The following SDK1 variants were observed in gnomAD, a reference collection of about 807,000 sequenced individuals.
The protein encoded by SDK1 is protein sidekick-1.
A neutral mutation model predicts 245.5 loss-of-function variants in SDK1; 157 were observed. That is an observed-to-expected ratio of 0.64 (90% CI 0.56 to 0.73). SDK1 has a LOEUF of 0.73. Ranked by LOEUF, SDK1 falls within the 30% of genes least tolerant of loss-of-function variation. The pLI, the probability that SDK1 is intolerant of heterozygous loss-of-function variation, is 0.00. For missense variants in SDK1, 3,583 were observed against 3,002.3 expected, an observed-to-expected ratio of 1.19 and a Z score of -4.52; for synonymous variants, 1,647 against 1,278.5, an observed-to-expected ratio of 1.29 and a Z score of -6.15.
intron 13 of SDK1, among the ~76,000 whole-genome samples, chr7:3,979,078 G>C (rs1783195173): frequency 6.6e-6 from 1 of 152,186 alleles, no homozygotes; most frequent in African/African-American, 2.4e-5. Flanking sequence ...CAGCAGTGGG[G>C]CCAATAGGAG....
intron 1 of SDK1, among the ~76,000 whole-genome samples, chr7:3,415,344 AG>A (rs1779331303): frequency 1.3e-5 from 2 of 152,316 alleles, no homozygotes; most frequent in African/African-American, 2.4e-5. Flanking sequence ...ATATAGTGGA[AG>A]AGTGTATTGC....
chr7:3,347,953 T>C (rs907667291), intron 1 of SDK1, among the ~76,000 whole-genome samples: 1 of 152,114 alleles, frequency 6.6e-6, no homozygotes, highest in African/African-American at 2.4e-5. Context: ...TCACTTTAAG[T>C]GTAAGTATTT....
At chr7:3,590,276 C>T (rs1184021521) in intron 1 of SDK1, among the ~76,000 whole-genome samples, 1 of 132,636 alleles carries the variant, frequency 7.5e-6, no homozygotes, top group Non-Finnish European at 1.6e-5. Context: ...GGGTATATTT[C>T]AACTTTCACC....
intron 4 of SDK1, among the ~76,000 whole-genome samples, chr7:3,791,487 G>T (rs563962761): frequency 3.9e-5 from 6 of 152,294 alleles, no homozygotes; most frequent in Admixed American, 3.3e-4. Context: ...CATCAGTCAT[G>T]AGCCCAAAAT....
chr7:3,396,901 T>G (rs1309169549), intron 1 of SDK1, among the ~76,000 whole-genome samples: 1 of 151,684 alleles, frequency 6.6e-6, no homozygotes, highest in African/African-American at 2.4e-5. Context: ...CATTATATGT[T>G]TTCTATAAAT....
At chr7:3,312,516 G>C (rs969919776) in intron 1 of SDK1, among the ~76,000 whole-genome samples, 8 of 151,962 alleles carry the variant, frequency 5.3e-5, no homozygotes, top group African/African-American at 1.9e-4. Flanking sequence ...ATAACATGGA[G>C]TTGGAAAAGA....
intron 5 of SDK1, among the ~76,000 whole-genome samples, chr7:3,844,760 G>A (rs1206598371): frequency 6.6e-6 from 1 of 152,186 alleles, no homozygotes; most frequent in Non-Finnish European, 1.5e-5. Flanking sequence ...AGGCCTTGGA[G>A]ACAGAAGTCA....
chr7:3,471,999 G>A (rs1781199559), intron 1 of SDK1, among the ~76,000 whole-genome samples: 1 of 152,120 alleles, frequency 6.6e-6, no homozygotes, highest in African/African-American at 2.4e-5. Flanking sequence ...ATAGTCTTGA[G>A]CATTTTTTCA....
At chr7:4,034,017 G>A (rs10265937) in intron 17 of SDK1, among the ~76,000 whole-genome samples, 47,462 of 152,108 alleles carry the variant, frequency 0.31, 11,338 homozygotes, top group African/African-American at 0.67. Flanking sequence ...GTTGCAGTTA[G>A]CACCACCAGT....
At chr7:3,595,622 C>G (rs1781028059) in intron 1 of SDK1, among the ~76,000 whole-genome samples, 1 of 151,896 alleles carries the variant, frequency 6.6e-6, no homozygotes, top group Non-Finnish European at 1.5e-5. Flanking sequence ...GTGACATGAT[C>G]ATGGAAGTAT....
At chr7:4,230,633 G>A (rs1785701941) in intron 40 of SDK1, among the ~76,000 whole-genome samples, 1 of 151,908 alleles carries the variant, frequency 6.6e-6, no homozygotes, top group Admixed American at 6.6e-5. Context: ...TGGAAAGATG[G>A]ACAGAAGGAT....
intron 1 of SDK1, among the ~76,000 whole-genome samples, chr7:3,493,228 G>A (rs894066581): frequency 2.6e-5 from 4 of 151,898 alleles, no homozygotes; most frequent in African/African-American, 9.7e-5. Context: ...TGAGATTACA[G>A]GCGTCAACCA....
At chr7:4,033,189 G>A (rs895487362) in intron 17 of SDK1, among the ~76,000 whole-genome samples, 2 of 152,076 alleles carry the variant, frequency 1.3e-5, no homozygotes, top group Admixed American at 6.6e-5. Flanking sequence ...ATAATAAAAG[G>A]ACATCTTGAA....
intron 1 of SDK1, among the ~76,000 whole-genome samples, chr7:3,352,098 A>G (rs1780674337): frequency 6.7e-6 from 1 of 150,256 alleles, no homozygotes; most frequent in African/African-American, 2.4e-5. Context: ...TAAATTAAGA[A>G]GTATATTTCT....
chr7:4,143,432 C>T (rs981113820), intron 28 of SDK1, among the ~76,000 whole-genome samples: 4 of 152,160 alleles, frequency 2.6e-5, no homozygotes, highest in African/African-American at 9.7e-5. Flanking sequence ...CAGGTCATTA[C>T]CACCGTGAGC....
At chr7:3,325,254 T>A (rs913714515) in intron 1 of SDK1, among the ~76,000 whole-genome samples, 7 of 152,150 alleles carry the variant, frequency 4.6e-5, no homozygotes, top group African/African-American at 1.7e-4. Context: ...ATTAATAGCC[T>A]GTTTTTTTCC....
chr7:3,997,682 G>A (rs1451342903), intron 14 of SDK1, among the ~76,000 whole-genome samples: 7 of 152,110 alleles, frequency 4.6e-5, no homozygotes, highest in Non-Finnish European at 8.8e-5. Flanking sequence ...AAGTGCATGC[G>A]GATTGGTCAA....
intron 14 of SDK1, among the ~76,000 whole-genome samples, chr7:3,989,667 G>C (rs1784148698): frequency 1.3e-5 from 2 of 152,176 alleles, no homozygotes; most frequent in South Asian, 4.1e-4. Context: ...TGGGTCCCTG[G>C]TGCTGCTCAC....
At position 3,566,460 on chromosome 7, in the gene SDK1, C is replaced by T. The variant is rs570463275; in HGVS notation, c.299-52620C>T. On this transcript the variant is annotated intron_variant, in intron 1 of 44. Transcript: ENST00000404826. The stretch of plus-strand genomic sequence containing the variant: ...CAGGATGGTCTCGATCTCCTGACCT[C>T]GTGATCTGCCTGCCTCGGCCTCCCA... Among the ~76,000 whole-genome samples the T allele has an allele frequency of 4.6e-5, 7 of 152,022 alleles. No individual in the cohort carries two copies. The East Asian group carries it at 1.4e-3, about 29-fold the overall frequency.
Sources: gnomAD v4.1 joint callset for allele counts (sites outside exome capture counted in the v4.1 genomes callset) on GRCh38, gnomAD v4.1.1 for gene constraint, MANE v1.5 for transcripts, NCBI Gene and HGNC (gene_info 2026-07-23, HGNC 2026-07-21) for gene names.